The following CCDC171 variants were observed in gnomAD, a reference collection of about 807,000 sequenced individuals.
The protein encoded by CCDC171 is coiled-coil domain-containing protein 171.
In CCDC171, 177 loss-of-function variants were observed where a neutral mutation model predicts 168.2. That is an observed-to-expected ratio of 1.05 (90% CI 0.93 to 1.19). The LOEUF (loss-of-function observed/expected upper bound fraction) is 1.19. CCDC171 is among the 50% of genes most tolerant of loss of function. CCDC171 has a pLI of 0.00. For missense variants in CCDC171, 1,991 were observed against 1,539.0 expected, an observed-to-expected ratio of 1.29 and a Z score of -4.91; for synonymous variants, 687 against 540.8, an observed-to-expected ratio of 1.27 and a Z score of -3.75.
At chr9:15,970,559 CT>C (rs1212956711) in intron 25 of CCDC171, among the ~76,000 whole-genome samples, 2 of 151,934 alleles carry the variant, frequency 1.3e-5, no homozygotes, top group Non-Finnish European at 2.9e-5. Flanking sequence ...TAATACTTAC[CT>C]GCTTTACTGC....
At chr9:15,661,653 T>C (rs2048332132) in intron 8 of CCDC171, among the ~76,000 whole-genome samples, 1 of 152,236 alleles carries the variant, frequency 6.6e-6, no homozygotes, top group Non-Finnish European at 1.5e-5. Context: ...TCTTATAAAC[T>C]ACTGTTGAAT....
intron 7 of CCDC171, among the ~76,000 whole-genome samples, chr9:15,627,763 G>T (rs749794584): frequency 1.1e-4 from 16 of 152,198 alleles, no homozygotes; most frequent in Admixed American, 2.0e-4. Flanking sequence ...TGGAGTAAGT[G>T]TGATGTGGTG....
Position 15,664,735 on chromosome 9 carries a change from G to A in CCDC171, c.916-1428G>A, listed in dbSNP as rs1201212545. Among the ~76,000 whole-genome samples, 161 of 97,994 alleles carry A rather than the reference G, an allele frequency of 1.6e-3. 1 individual carries two copies. The highest frequency in any genetic ancestry group is 7.3e-3 in the African/African-American group (157 of 21,582). The allele number at this position is 97,994 out of a possible 152,430, so 64.3% of individuals were successfully genotyped here. On this transcript the variant is annotated intron_variant, in intron 8 of 25. Transcript: ENST00000380701. ...TTTTTTGAGACGGAGTTTCACTCTT[G>A]TTGCTCAGGCTGGAGTGCAATGGCG...
intron 11 of CCDC171, among the ~76,000 whole-genome samples, chr9:15,711,388 TG>T (rs921286774): frequency 2.0e-5 from 3 of 152,196 alleles, no homozygotes; most frequent in African/African-American, 7.2e-5. Flanking sequence ...TTTCAATTTT[TG>T]TTTCTCAATT....
intron 17 of CCDC171, among the ~76,000 whole-genome samples, chr9:15,745,253 T>C (rs991078742): frequency 6.6e-6 from 1 of 152,366 alleles, no homozygotes; most frequent in East Asian, 1.9e-4. Flanking sequence ...AAACAATTTG[T>C]TTTAATTTTT....
At chr9:16,085,216 A>T in the CCDC171 span, among the ~76,000 whole-genome samples, 1 of 152,220 alleles carries the variant, frequency 6.6e-6, no homozygotes, top group African/African-American at 2.4e-5. Flanking sequence ...TCCCATTCCA[A>T]TGGCTTGCTG....
chr9:15,927,938 G>T (rs1364319416), intron 25 of CCDC171, among the ~76,000 whole-genome samples: 1 of 151,610 alleles, frequency 6.6e-6, no homozygotes, highest in Non-Finnish European at 1.5e-5. Context: ...ACTCATTATT[G>T]AGTTTTTAGC....
intron 6 of CCDC171, among the ~76,000 whole-genome samples, chr9:15,603,091 C>A (rs188450215): frequency 6.6e-6 from 1 of 152,184 alleles, no homozygotes; most frequent in Non-Finnish European, 1.5e-5. Context: ...ATGCTATTCT[C>A]CTGCCTCAGC....
At chr9:15,898,632 A>G (rs1385592238) in intron 24 of CCDC171, among the ~76,000 whole-genome samples, 1 of 152,216 alleles carries the variant, frequency 6.6e-6, no homozygotes, top group Non-Finnish European at 1.5e-5. Context: ...ATAAATATAG[A>G]CATGTCTATA....
chr9:15,894,177 C>A (rs1321259037), intron 24 of CCDC171, among the ~76,000 whole-genome samples: 1 of 152,086 alleles, frequency 6.6e-6, no homozygotes, highest in African/African-American at 2.4e-5. Flanking sequence ...AACATAGGAA[C>A]AGAAAACCAA....
At chr9:15,636,958 C>G (rs181160258) in intron 7 of CCDC171, among the ~76,000 whole-genome samples, 3 of 151,278 alleles carry the variant, frequency 2.0e-5, no homozygotes, top group Non-Finnish European at 4.4e-5. Flanking sequence ...AGTTTTGACT[C>G]AGTTAAGAAA....
At chr9:15,834,425 A>G (rs1466617258) in intron 21 of CCDC171, among the ~76,000 whole-genome samples, 1 of 152,210 alleles carries the variant, frequency 6.6e-6, no homozygotes, top group Non-Finnish European at 1.5e-5. Context: ...AAAACATTTA[A>G]TTAACATACT....
intron 25 of CCDC171, among the ~76,000 whole-genome samples, chr9:15,936,604 G>C (rs1052851881): frequency 6.6e-6 from 1 of 151,942 alleles, no homozygotes; most frequent in Non-Finnish European, 1.5e-5. Flanking sequence ...GTTGTATGTT[G>C]CTTGAAAAAA....
At chr9:15,824,458 T>C (rs1031581170) in intron 21 of CCDC171, among the ~76,000 whole-genome samples, 15 of 151,990 alleles carry the variant, frequency 9.9e-5, no homozygotes, top group Non-Finnish European at 1.8e-4. Context: ...CAGTCTTCTA[T>C]TGGTGCTTTG....
intron 23 of CCDC171, among the ~76,000 whole-genome samples, chr9:15,868,257 A>G (rs1279402152): frequency 6.6e-6 from 1 of 151,964 alleles, no homozygotes; most frequent in Non-Finnish European, 1.5e-5. Context: ...CCCACTTTTC[A>G]AATTATGAGT....
intron 24 of CCDC171, among the ~76,000 whole-genome samples, chr9:15,909,402 A>T (rs1823271537): frequency 1.9e-4 from 1 of 5,174 alleles, no homozygotes; most frequent in Non-Finnish European, 6.3e-4. Context: ...ACATGTGCGT[A>T]CACACACACA....
intron 24 of CCDC171, among the ~76,000 whole-genome samples, chr9:15,914,627 GC>G (rs1824224448): frequency 6.6e-6 from 1 of 152,070 alleles, no homozygotes; most frequent in Non-Finnish European, 1.5e-5. Context: ...TGGCTCCCTG[GC>G]TTCAGGCCCC....
At chr9:15,715,741 G>A (rs1247130870) in intron 11 of CCDC171, among the ~76,000 whole-genome samples, 1 of 152,200 alleles carries the variant, frequency 6.6e-6, no homozygotes, top group Non-Finnish European at 1.5e-5. Context: ...AGATGGAGAA[G>A]ATAGACTCCA....
the CCDC171 span, among the ~76,000 whole-genome samples, chr9:16,069,056 G>A: frequency 6.6e-6 from 1 of 152,286 alleles, no homozygotes; most frequent in South Asian, 2.1e-4. Context: ...CTGCATTCAG[G>A]TCTTCAAGCA....
Sources: gnomAD v4.1 joint callset for allele counts (sites outside exome capture counted in the v4.1 genomes callset) on GRCh38, gnomAD v4.1.1 for gene constraint, MANE v1.5 for transcripts, NCBI Gene and HGNC (gene_info 2026-07-23, HGNC 2026-07-21) for gene names.